SLC1A2: variants seen among roughly 807,000 people sequenced by gnomAD.
SLC1A2 encodes solute carrier family 1 member 2, also known as excitatory amino acid transporter 2.
A neutral mutation model predicts 48.8 loss-of-function variants in SLC1A2; 15 were observed. The ratio of observed to expected loss-of-function variants is 0.31; its 90% CI spans 0.21 to 0.47. The LOEUF (loss-of-function observed/expected upper bound fraction) is 0.47. Ranked by LOEUF, SLC1A2 falls within the 20% of genes least tolerant of loss-of-function variation. SLC1A2 has a pLI of 0.99. For missense variants in SLC1A2, 502 were observed against 730.5 expected (o/e 0.69, Z 3.61); for synonymous variants, 279 against 272.6 (o/e 1.02, Z -0.23).
At chr11:35,367,932 A>AT (rs1372681936) in intron 1 of SLC1A2, among the ~76,000 whole-genome samples, 6 of 152,112 alleles carry the variant, frequency 3.9e-5, no homozygotes, top group Admixed American at 3.3e-4. Flanking sequence ...ACATAAAACC[A>AT]TTTTTTACTG....
intron 1 of SLC1A2, among the ~76,000 whole-genome samples, chr11:35,343,541 G>A (rs537915353): frequency 2.4e-4 from 36 of 152,224 alleles, no homozygotes; most frequent in African/African-American, 8.2e-4. Flanking sequence ...TTTCTTGAGT[G>A]TATACTTTTC....
chr11:35,382,267 G>A (rs1211500512), intron 1 of SLC1A2, among the ~76,000 whole-genome samples: 2 of 152,150 alleles, frequency 1.3e-5, no homozygotes, highest in Non-Finnish European at 2.9e-5. Flanking sequence ...TGTGGTCCTT[G>A]TCAACCTGTC....
chr11:35,255,060 C>A lies in SLC1A2; in HGVS notation c.*5834G>T. On this transcript the variant is annotated 3_prime_UTR_variant, in exon 11 of 11. Transcript: ENST00000278379. ...TTTGCACTAATGGAAAAAAGCCGGC[C>A]GAAAAACAAAACCCAATCCTTTCAG... The A allele has an allele frequency of 3.4e-6, 1 of 295,256 alleles. No individual in the cohort carries two copies. 18.3% of individuals were successfully genotyped at this position (295,256 alleles called of 1,614,324 possible). A position where few individuals can be genotyped will look rare whatever the true frequency, so the allele number is the denominator to read the frequency against.
At chr11:35,374,253 C>A in intron 1 of SLC1A2, 5 of 864,486 alleles carry the variant, frequency 5.8e-6, no homozygotes, top group Non-Finnish European at 9.0e-6. Context: ...AAGACACTCC[C>A]GAAGCTGAGA....
chr11:35,277,487 A>C (rs1034541204), intron 9 of SLC1A2, among the ~76,000 whole-genome samples: 2 of 151,704 alleles, frequency 1.3e-5, no homozygotes, highest in African/African-American at 4.9e-5. Context: ...CCTTTTCCTC[A>C]CTCCTGATCA....
At chr11:35,392,527 A>G (rs532176316) in intron 1 of SLC1A2, among the ~76,000 whole-genome samples, 1 of 152,230 alleles carries the variant, frequency 6.6e-6, no homozygotes, top group Non-Finnish European at 1.5e-5. Context: ...CCCAGAGTCA[A>G]TCAGCAGTTA....
chr11:35,367,551 T>C (rs1270831306), intron 1 of SLC1A2, among the ~76,000 whole-genome samples: 1 of 63,942 alleles, frequency 1.6e-5, no homozygotes, highest in Non-Finnish European at 3.4e-5. Context: ...ATACCCAAAA[T>C]GTCAGAAGAC....
chr11:35,356,076 A>T (rs1220837211), intron 1 of SLC1A2, among the ~76,000 whole-genome samples: 2 of 152,146 alleles, frequency 1.3e-5, no homozygotes, highest in Non-Finnish European at 2.9e-5. Context: ...ACTGCCCATG[A>T]AAGTTGGTGT....
chr11:35,333,129 G>T (rs976572142), intron 1 of SLC1A2, among the ~76,000 whole-genome samples: 8 of 151,780 alleles, frequency 5.3e-5, no homozygotes, highest in Non-Finnish European at 1.0e-4. Flanking sequence ...GCAGGGTGCA[G>T]TGAGGGGGCA....
In SLC1A2 at chr11:35,265,612, T is replaced by C. The variant is rs746123027; in HGVS notation, c.1568A>G (p.Tyr523Cys). 1.2e-6 allele frequency: 2 copies of C among 1,612,794 alleles called. No individual in the cohort carries two copies. The highest frequency in any genetic ancestry group is 1.3e-5 in the African/African-American group (1 of 74,912). ...TTCCCTGTGGTTCTTCATGTCATCATAAATGGATTGAGTCTTGGTCATTTC... is the reference window on the plus strand; with the variant it reads ...TTCCCTGTGGTTCTTCATGTCATCACAAATGGATTGAGTCTTGGTCATTTC... ...DIEMTKTQSI[Y>C]DDMKNHRESN... The change falls in exon 10 of 11, where the codon TAT becomes TGT. Residue 523 changes from tyrosine (Y) to cysteine (C), a missense_variant. By Grantham distance (194) the Tyr-to-Cys change is radical. Transcript: ENST00000278379.
chr11:35,311,929 GGGGGGGGT>G (rs1332472290), intron 4 of SLC1A2, among the ~76,000 whole-genome samples: 6 of 20,128 alleles, frequency 3.0e-4, no homozygotes, highest in Admixed American at 4.9e-4. Context: ...AGAGGCGGGG[GGGGGGGGT>G]GGGGGAGAAA....
At chr11:35,292,019 G>A in intron 7 of SLC1A2, 1 of 409,644 alleles carries the variant, frequency 2.4e-6, no homozygotes, top group Non-Finnish European at 4.4e-6. Context: ...AATTAGGCAT[G>A]CAAACAAATA....
chr11:35,317,999 C>A (rs546393387), intron 1 of SLC1A2, among the ~76,000 whole-genome samples: 5 of 152,152 alleles, frequency 3.3e-5, no homozygotes, highest in African/African-American at 1.2e-4. Flanking sequence ...GACATGTAAA[C>A]GTCACAAACA....
In SLC1A2 at chr11:35,280,931, T is replaced by C. The variant is rs1022531409; in HGVS notation, c.1357A>G (p.Ile453Val). The C allele has an allele frequency of 6.2e-7, 1 of 1,613,258 alleles. No individual in the cohort carries two copies. Among genetic ancestry groups the C allele is most frequent in the Non-Finnish European group, 8.5e-7 (1 of 1,179,780 alleles). The stretch of plus-strand genomic sequence containing the variant: ...GTTGGCAGGCCCACGGCTGTCAGAA[T>C]GAGGAGCATGGTGACCAGCCCGGCA... ...PSAGLVTMLL[I>V]LTAVGLPTED... is the part of the protein sequence containing the mutation. The change falls in exon 9 of 11, where the codon ATT becomes GTT. Residue 453 changes from isoleucine to valine, a missense_variant. By Grantham distance (29) the Ile-to-Val change is conservative. This residue lies in a region of SLC1A2 where 309 missense variants were observed against 480.3 expected (regional missense o/e 0.64). Transcript: ENST00000278379.
At chr11:35,336,444 A>G (rs1434282475) in intron 1 of SLC1A2, among the ~76,000 whole-genome samples, 3 of 152,306 alleles carry the variant, frequency 2.0e-5, no homozygotes, top group Non-Finnish European at 1.5e-5. Context: ...CTTTCACCCA[A>G]TGGGCTTTGA....
Position 35,369,990 on chromosome 11 carries a change from G to A in SLC1A2, c.17+48960C>T, listed in dbSNP as rs551665936. Among the ~76,000 whole-genome samples the A allele has an allele frequency of 6.6e-5, 10 of 152,304 alleles. No individual in the cohort carries two copies. In the East Asian group the frequency reaches 1.7e-3, roughly 26 times the overall value. ...CTTACCAGACTCACAAAATTGGGTG[G>A]GGGTGAAGAGGGAGGATGATTCAGG... is the stretch of plus-strand genomic sequence containing the variant. On this transcript the variant is annotated intron_variant, in intron 1 of 10. Coordinates refer to ENST00000278379, the MANE Select transcript of SLC1A2 (RefSeq NM_004171.4).
intron 1 of SLC1A2, among the ~76,000 whole-genome samples, chr11:35,404,824 A>G (rs1214700399): frequency 6.6e-6 from 1 of 152,190 alleles, no homozygotes; most frequent in African/African-American, 2.4e-5. Flanking sequence ...TGAAATCTGT[A>G]TATGCTTGGT....
At chr11:35,304,337 C>G (rs1851440223) in intron 5 of SLC1A2, among the ~76,000 whole-genome samples, 1 of 152,092 alleles carries the variant, frequency 6.6e-6, no homozygotes, top group Admixed American at 6.5e-5. Flanking sequence ...GACTGAGGAA[C>G]ACTTTGACAA....
At chr11:35,303,350 G>C (rs1204864561) in intron 5 of SLC1A2, among the ~76,000 whole-genome samples, 1 of 152,084 alleles carries the variant, frequency 6.6e-6, no homozygotes, top group African/African-American at 2.4e-5. Flanking sequence ...TTCACATTTA[G>C]TATCTCCTCT....
Sources: gnomAD v4.1 joint callset for allele counts (sites outside exome capture counted in the v4.1 genomes callset) on GRCh38, gnomAD v4.1.1 for gene constraint, gnomAD v4.1.1 regional missense constraint, MANE v1.5 for transcripts, NCBI Gene and HGNC (gene_info 2026-07-23, HGNC 2026-07-21) for gene names.